Variants in NT5DC1 observed in about 807,000 individuals in gnomAD.
The protein encoded by NT5DC1 is 5'-nucleotidase domain containing 1, also known as 5'-nucleotidase domain-containing protein 1.
A neutral mutation model predicts 59.4 loss-of-function variants in NT5DC1; 42 were observed. The ratio of observed to expected loss-of-function variants is 0.71; its 90% confidence interval spans 0.55 to 0.92. NT5DC1 has a LOEUF of 0.92. Among genes scored for constraint, NT5DC1 ranks in the 40% least tolerant of loss-of-function variants. The pLI is 0.00. For missense variants in NT5DC1, 501 were observed against 537.1 expected (o/e 0.93, Z 0.66); for synonymous variants, 172 against 188.1 (o/e 0.91, Z 0.70).
chr6:116,111,567 A>C (rs999972564), intron 4 of NT5DC1, among the ~76,000 whole-genome samples: 1 of 152,198 alleles, frequency 6.6e-6, no homozygotes, highest in Non-Finnish European at 1.5e-5. Context: ...CCTAATTATT[A>C]GTTTTTTTAT....
chr6:116,114,689 A>G (rs1472388333), intron 4 of NT5DC1, among the ~76,000 whole-genome samples: 2 of 152,142 alleles, frequency 1.3e-5, no homozygotes, highest in Admixed American at 1.3e-4. Context: ...CCTCAAAAGC[A>G]GAGTGGTTAC....
intron 2 of NT5DC1, 28 bp from the exon 3 acceptor site, chr6:116,108,336 G>A: frequency 7.0e-7 from 1 of 1,424,484 alleles, no homozygotes; most frequent in Non-Finnish European, 9.9e-7. Flanking sequence ...TATAGGAATT[G>A]ATTAATAATC....
chr6:116,110,990 TC>T, intron 4 of NT5DC1, 34 bp downstream of exon 4: 1 of 1,388,074 alleles, frequency 7.2e-7, no homozygotes, highest in Non-Finnish European at 1.0e-6. Context: ...CACCATCCGC[TC>T]CCTGTTTGTT....
At chr6:116,132,038 G>C (rs1779480754) in intron 6 of NT5DC1, among the ~76,000 whole-genome samples, 1 of 152,130 alleles carries the variant, frequency 6.6e-6, no homozygotes, top group African/African-American at 2.4e-5. Context: ...GTATTCCATG[G>C]GGTATATGTA....
At chr6:116,241,944 CAAAAAAAAAAA>C in intron 11 of NT5DC1, among the ~76,000 whole-genome samples, 1 of 34,428 alleles carries the variant, frequency 2.9e-5, no homozygotes, top group East Asian at 8.8e-3. Context: ...AAAAACAAAA[CAAAAAAAAAAA>C]AAAACAAAGA....
At chr6:116,109,577 C>A (rs1778833257) in intron 3 of NT5DC1, among the ~76,000 whole-genome samples, 1 of 152,230 alleles carries the variant, frequency 6.6e-6, no homozygotes, top group South Asian at 2.1e-4. Context: ...CATCCAAGTC[C>A]TGGCTAACCT....
intron 6 of NT5DC1, among the ~76,000 whole-genome samples, chr6:116,146,879 C>T (rs891097653): frequency 1.3e-5 from 2 of 151,442 alleles, no homozygotes; most frequent in African/African-American, 2.4e-5. Context: ...TGTGCCCTAC[C>T]TCACACCTAA....
chr6:116,167,232 G>C (rs1201743984), intron 6 of NT5DC1, among the ~76,000 whole-genome samples: 2 of 22,566 alleles, frequency 8.9e-5, no homozygotes, highest in African/African-American at 1.6e-4. Context: ...TTTTTTTTTT[G>C]AGACAGAATC....
At chr6:116,121,607 C>T (rs1161095064) in intron 6 of NT5DC1, 2 of 1,613,980 alleles carry the variant, frequency 1.2e-6, no homozygotes, top group East Asian at 2.2e-5. Flanking sequence ...AGGAAAGCCC[C>T]TGGGTCCTGG....
At chr6:116,122,640 A>C (rs538319596) in intron 6 of NT5DC1, among the ~76,000 whole-genome samples, 1 of 152,322 alleles carries the variant, frequency 6.6e-6, no homozygotes, top group African/African-American at 2.4e-5. Flanking sequence ...CTGATAAACT[A>C]AACTTAAACT....
intron 6 of NT5DC1, among the ~76,000 whole-genome samples, chr6:116,127,486 A>C (rs1779350151): frequency 6.6e-6 from 1 of 152,082 alleles, no homozygotes; most frequent in South Asian, 2.1e-4. Context: ...CAAAATAGGA[A>C]AGTTTATAAT....
At chr6:116,141,339 G>A (rs1324357229) in intron 6 of NT5DC1, among the ~76,000 whole-genome samples, 2 of 151,212 alleles carry the variant, frequency 1.3e-5, no homozygotes, top group African/African-American at 4.9e-5. Context: ...AGTTATATGT[G>A]TTGCAGATAC....
chr6:116,148,594 T>C (rs11964777), intron 6 of NT5DC1, among the ~76,000 whole-genome samples: 4,974 of 152,230 alleles, frequency 0.033, 291 homozygotes, highest in African/African-American at 0.11. Context: ...TGATAACAGT[T>C]TATTATATGT....
intron 6 of NT5DC1, among the ~76,000 whole-genome samples, chr6:116,139,376 G>A (rs759234986): frequency 1.3e-5 from 2 of 152,084 alleles, no homozygotes; most frequent in Non-Finnish European, 2.9e-5. Flanking sequence ...GAATAATACA[G>A]TCTAAAGCTG....
At chr6:116,104,734 C>CT (rs1240336577) in intron 1 of NT5DC1, among the ~76,000 whole-genome samples, 3 of 152,200 alleles carry the variant, frequency 2.0e-5, no homozygotes, top group African/African-American at 7.2e-5. Context: ...CATTTTACAT[C>CT]TGTTAGCCCT....
At chr6:116,120,157 C>T (rs1779065878) in intron 6 of NT5DC1, 2 of 1,614,000 alleles carry the variant, frequency 1.2e-6, no homozygotes, top group East Asian at 2.2e-5. Context: ...CATTGGGAAG[C>T]TGGAGCCACA....
chr6:116,212,233 C>G, intron 6 of NT5DC1, among the ~76,000 whole-genome samples: 1 of 151,890 alleles, frequency 6.6e-6, no homozygotes, highest in East Asian at 1.9e-4. Context: ...CATGGAGTAA[C>G]TAGCCAGGTG....
At chr6:116,123,317 G>A (rs186069179) in intron 6 of NT5DC1, among the ~76,000 whole-genome samples, 109 of 152,302 alleles carry the variant, frequency 7.2e-4, no homozygotes, top group Non-Finnish European at 1.8e-4. Flanking sequence ...ACTTCTCAGT[G>A]CGAGAAAGAA....
At chr6:116,150,575 G>A (rs1780015041) in intron 6 of NT5DC1, among the ~76,000 whole-genome samples, 1 of 152,156 alleles carries the variant, frequency 6.6e-6, no homozygotes, top group African/African-American at 2.4e-5. Context: ...GTGAGTCACT[G>A]CACCTGGCCT....
Sources: allele counts gnomAD v4.1 joint callset (sites outside exome capture counted in the v4.1 genomes callset), GRCh38; gene constraint gnomAD v4.1.1; transcripts MANE v1.5; gene names NCBI Gene and HGNC (gene_info 2026-07-23, HGNC 2026-07-21).